The following HROB variants were observed in gnomAD, a reference collection of about 807,000 sequenced individuals.
HROB encodes the protein homologous recombination factor with OB-fold, also known as homologous recombination OB-fold protein.
HROB carries 44 observed loss-of-function variants against 61.0 expected under a neutral mutation model. The ratio of observed to expected loss-of-function variants is 0.72; its 90% CI spans 0.57 to 0.93. HROB has a LOEUF of 0.93. Ranked by LOEUF, HROB falls within the 40% of genes least tolerant of loss-of-function variation. HROB has a pLI of 0.00. For synonymous variants in HROB, 301 were observed against 310.4 expected (o/e 0.97, Z 0.32); for missense variants, 716 against 796.2 (o/e 0.90, Z 1.21).
At chr17:44,152,103 C>T (rs1227309312) in intron 4 of HROB, among the ~76,000 whole-genome samples, 1 of 152,028 alleles carries the variant, frequency 6.6e-6, no homozygotes, top group Non-Finnish European at 1.5e-5. Context: ...CCTTGGCCTC[C>T]CAAAGTGCTG....
chr17:44,148,390 T>C lies in HROB; in HGVS notation c.587T>C (p.Leu196Ser). ...LPAQQREGSV[L>S]AKKARVVDLS... ...GCCCAGCAGCGGGAGGGTTCAGTAT[T>C]GGCTAAAAAAGCCCGGGTAGTTGAT... is the stretch of plus-strand genomic sequence containing the variant. Residue 196 changes from leucine to serine, a missense_variant, in exon 3 of 10, where the codon TTG becomes TCG. Coordinates refer to ENST00000585683, the MANE Select transcript of HROB (RefSeq NM_001171251.3). 1.2e-6 allele frequency: 2 copies of C among 1,614,120 alleles called. No homozygotes were observed. The highest frequency in any genetic ancestry group is 1.7e-6 in the Non-Finnish European group (2 of 1,179,992).
chr17:44,159,702 G>A (rs1431505201), intron 9 of HROB, among the ~76,000 whole-genome samples: 1 of 152,206 alleles, frequency 6.6e-6, no homozygotes, highest in Non-Finnish European at 1.5e-5. Context: ...TTCCCTTTGT[G>A]GTAGCTGAAG....
rs1323296384 is a variant in HROB, at chr17:44,154,891, A to T, written c.1597A>T (p.Thr533Ser). 1.2e-6 allele frequency: 2 copies of T among 1,613,950 alleles called. No homozygotes were observed. The highest frequency in any genetic ancestry group is 3.3e-5 in the Admixed American group (2 of 60,000). ...GACGGTGCACAGGTTGCTGCTGGAGACGTGCCAGAATGAGCTGAAGCCTGG... is the reference window on the plus strand; with the variant it reads ...GACGGTGCACAGGTTGCTGCTGGAGTCGTGCCAGAATGAGCTGAAGCCTGG... ...QGTVHRLLLE[T>S]CQNELKPGSV... The change falls in exon 7 of 10, where the codon ACG (threonine) becomes TCG (serine). Residue 533 changes from threonine to serine, a missense_variant. Transcript: ENST00000585683.
chr17:44,149,564 TAAG>T (rs2053736126), intron 3 of HROB, among the ~76,000 whole-genome samples: 1 of 152,176 alleles, frequency 6.6e-6, no homozygotes, highest in South Asian at 2.1e-4. Context: ...TTCCTTTTTT[TAAG>T]AAGACCCTCT....
intron 1 of HROB, among the ~76,000 whole-genome samples, chr17:44,142,466 CT>C (rs1156855939): frequency 0.018 from 2,520 of 137,822 alleles, 133 homozygotes; most frequent in African/African-American, 0.057. Context: ...ACACTTTCTA[CT>C]TTTTTTTTTT....
At chr17:44,144,845 A>G (rs1002207174) in intron 1 of HROB, among the ~76,000 whole-genome samples, 1 of 148,604 alleles carries the variant, frequency 6.7e-6, no homozygotes, top group Non-Finnish European at 1.5e-5. Context: ...CCTCCCGAGT[A>G]GCTGGGATTA....
rs1156516038 is a variant in HROB, at chr17:44,161,939, C to T, written c.*7C>T. On this transcript the variant is annotated 3_prime_UTR_variant, in exon 10 of 10. Transcript: ENST00000585683. ...CTGTGGGACCAGTAGTTGAGACTGC[C>T]CCAACGCAGGACAACCCACCATGAG... 2 of 1,613,698 alleles carry T rather than the reference C, an allele frequency of 1.2e-6. No homozygotes were observed. The highest frequency in any genetic ancestry group is 1.7e-6 in the Non-Finnish European group (2 of 1,179,720).
In HROB at chr17:44,142,153, C is replaced by A; in HGVS notation, c.3+8C>A. 1 of 1,523,138 alleles carries A rather than the reference C, an allele frequency of 6.6e-7. No homozygotes were observed. Among genetic ancestry groups the A allele is most frequent in the Admixed American group, 2.0e-5 (1 of 49,840 alleles). The allele number at this position is 1,523,138 out of a possible 1,614,324, so 94.4% of individuals were successfully genotyped here. A position where few individuals can be genotyped will look rare whatever the true frequency, so the allele number is the denominator to read the frequency against. On this transcript the variant is annotated splice_region_variant and intron_variant, in intron 1 of 9. Coordinates refer to ENST00000585683, the MANE Select transcript of HROB (RefSeq NM_001171251.3). ...CCACCCGCCGTCGCTATGGTAATGC[C>A]GCGCCCAGCTTGGGGGCTGGCGGGC...
intron 1 of HROB, among the ~76,000 whole-genome samples, chr17:44,143,995 T>A (rs951516516): frequency 1.0e-3 from 156 of 151,944 alleles, no homozygotes; most frequent in Non-Finnish European, 1.4e-3. Context: ...TTTTTTTTTT[T>A]AAGACAGAGT....
At chr17:44,155,054 G>A in intron 7 of HROB, 116 bp downstream of exon 7, 1 of 1,374,300 alleles carries the variant, frequency 7.3e-7, no homozygotes, top group South Asian at 1.3e-5. Flanking sequence ...CTGAACCATT[G>A]CTAGGCCCTG....
Position 44,148,405 on chromosome 17 carries a change from G to T in HROB, c.602G>T (p.Arg201Leu). The change falls in exon 3 of 10, where the codon CGG becomes CTG. Residue 201 changes from arginine to leucine, a missense_variant. Coordinates refer to ENST00000585683, the MANE Select transcript of HROB (RefSeq NM_001171251.3). Reference sequence around the variant, plus strand: ...GGTTCAGTATTGGCTAAAAAAGCCCGGGTAGTTGATCTGAGTGGATCTTGC... The same window carrying T: ...GGTTCAGTATTGGCTAAAAAAGCCCTGGTAGTTGATCTGAGTGGATCTTGC... Reference protein sequence around the residue: ...REGSVLAKKARVVDLSGSCQK... With the variant: ...REGSVLAKKALVVDLSGSCQK... The T allele has an allele frequency of 6.2e-7, 1 of 1,614,070 alleles. No individual in the cohort carries two copies. The highest frequency in any genetic ancestry group is 1.1e-5 in the South Asian group (1 of 91,090).
Position 44,154,866 on chromosome 17 carries a change from G to T in HROB, c.1572G>T (p.Gly524=), listed in dbSNP as rs535389334. The change falls in exon 7 of 10, where the codon GGG becomes GGT. Residue 524 remains glycine (G), a synonymous_variant. Transcript: ENST00000585683. ...VFKDPTGEMQ[G]TVHRLLLETC... is the part of the protein sequence containing the mutation. ...TGGTATTTGCAGGAGAGATGCAGGGGACGGTGCACAGGTTGCTGCTGGAGA... is the reference window on the plus strand; with the variant it reads ...TGGTATTTGCAGGAGAGATGCAGGGTACGGTGCACAGGTTGCTGCTGGAGA... The T allele has an allele frequency of 4.3e-6, 7 of 1,614,118 alleles. No homozygotes were observed. The East Asian group carries it at 1.1e-4, about 26-fold the overall frequency.
intron 9 of HROB, among the ~76,000 whole-genome samples, chr17:44,161,430 G>A (rs1338813135): frequency 6.6e-6 from 1 of 152,162 alleles, no homozygotes; most frequent in Non-Finnish European, 1.5e-5. Context: ...CTTTGAGGAA[G>A]GGGGTGATAT....
intron 7 of HROB, 41 bp downstream of exon 7, chr17:44,154,979 A>G: frequency 1.9e-6 from 3 of 1,591,968 alleles, no homozygotes; most frequent in Non-Finnish European, 2.6e-6. Context: ...CCCCGGATAG[A>G]GCCCTCAGTG....
intron 9 of HROB, 78 bp downstream of exon 9, chr17:44,158,019 T>C: frequency 1.0e-6 from 1 of 1,003,356 alleles, no homozygotes; most frequent in South Asian, 1.5e-5. Flanking sequence ...TTCCTGGCTA[T>C]ATCTTGTTCC....
Position 44,148,576 on chromosome 17 carries a change from C to T in HROB, c.773C>T (p.Thr258Ile). 6.2e-7 allele frequency: 1 copy of T among 1,614,044 alleles called. No individual in the cohort carries two copies. The change falls in exon 3 of 10, where the codon ACA (threonine) becomes ATA (isoleucine). Residue 258 changes from threonine (T) to isoleucine (I), a missense_variant. Physicochemically the swap from Thr to Ile is moderately conservative, Grantham distance 89. Coordinates refer to ENST00000585683, the MANE Select transcript of HROB (RefSeq NM_001171251.3). ...CACCTTCCTGTTCCAACTGCCTTAACAGTTCCCACTCAGCAACTCCACTGG... is the reference window on the plus strand; with the variant it reads ...CACCTTCCTGTTCCAACTGCCTTAATAGTTCCCACTCAGCAACTCCACTGG... ...VGHLPVPTALTVPTQQLHWEV... is the reference protein window; with the variant it reads ...VGHLPVPTALIVPTQQLHWEV...
At chr17:44,154,423 C>A in intron 5 of HROB, 133 bp from the exon 6 acceptor site, 2 of 774,006 alleles carry the variant, frequency 2.6e-6, no homozygotes, top group Non-Finnish European at 2.2e-6. Context: ...ACCTCCTTGT[C>A]CTCCACAAAG....
intron 3 of HROB, 108 bp downstream of exon 3, chr17:44,149,135 G>T (rs748271004): frequency 7.0e-6 from 8 of 1,145,760 alleles, no homozygotes; most frequent in Non-Finnish European, 8.4e-6. Flanking sequence ...AAGGAAGGAA[G>T]TGCAGAGAGG....
chr17:44,161,755 G>A (rs564302082), intron 9 of HROB, 116 bp from the exon 10 acceptor site: 88 of 1,135,684 alleles, frequency 7.7e-5, no homozygotes, highest in East Asian at 2.4e-4. Context: ...TGGAGGAGCC[G>A]CCTGCCCAGC....
Sources: gnomAD v4.1 joint callset for allele counts (sites outside exome capture counted in the v4.1 genomes callset) on GRCh38, gnomAD v4.1.1 for gene constraint, MANE v1.5 for transcripts, NCBI Gene and HGNC (gene_info 2026-07-23, HGNC 2026-07-21) for gene names.